Variants in AKAP19 observed in about 807,000 individuals in gnomAD.
The protein encoded by AKAP19 is A-kinase anchoring protein 19, also known as small A-kinase anchoring protein.
At chr2:190,058,499 T>C in the AKAP19 span, among the ~76,000 whole-genome samples, 2 of 151,948 alleles carry the variant, frequency 1.3e-5, no homozygotes, top group African/African-American at 2.4e-5. Flanking sequence ...AAGTAGCATA[T>C]ATAAAGGAAA....
chr2:189,900,400 G>T, the AKAP19 span, among the ~76,000 whole-genome samples: 4 of 151,958 alleles, frequency 2.6e-5, no homozygotes, highest in East Asian at 7.7e-4. Context: ...CCCCCAAAAT[G>T]ATAGTTCTTA....
the AKAP19 span, among the ~76,000 whole-genome samples, chr2:190,008,530 A>G: frequency 1.3e-5 from 2 of 152,202 alleles, no homozygotes; most frequent in Non-Finnish European, 2.9e-5. Flanking sequence ...AGTAATTATT[A>G]TAATGATAGC....
chr2:190,170,058 G>A, the AKAP19 span, among the ~76,000 whole-genome samples: 2 of 152,218 alleles, frequency 1.3e-5, no homozygotes, highest in African/African-American at 4.8e-5. Context: ...TTTAACAATG[G>A]AAACTTATGT....
the AKAP19 span, among the ~76,000 whole-genome samples, chr2:189,915,048 TTAAATCG>T: frequency 4.6e-5 from 7 of 152,296 alleles, no homozygotes; most frequent in South Asian, 1.5e-3. Flanking sequence ...AATGTGATTA[TTAAATCG>T]TTTAGGCAAC....
the AKAP19 span, among the ~76,000 whole-genome samples, chr2:190,099,205 C>G: frequency 2.6e-5 from 4 of 152,236 alleles, no homozygotes; most frequent in Non-Finnish European, 5.9e-5. Flanking sequence ...ACCTTTCAGC[C>G]TGCCTTGGCT....
the AKAP19 span, among the ~76,000 whole-genome samples, chr2:189,960,201 T>A: frequency 6.6e-6 from 1 of 152,232 alleles, no homozygotes; most frequent in Admixed American, 6.5e-5. Flanking sequence ...GAGACCCAGA[T>A]GCCTAAATCT....
chr2:190,049,233 A>C, the AKAP19 span, among the ~76,000 whole-genome samples: 1 of 152,158 alleles, frequency 6.6e-6, no homozygotes, highest in African/African-American at 2.4e-5. Context: ...TAGAAAAAAA[A>C]ATGAGTGAAG....
chr2:189,959,308 T>C, the AKAP19 span, among the ~76,000 whole-genome samples: 1 of 152,164 alleles, frequency 6.6e-6, no homozygotes. Flanking sequence ...TTCCTAGAAA[T>C]AATGCTGTAA....
At chr2:190,108,881 T>G in the AKAP19 span, among the ~76,000 whole-genome samples, 2 of 151,896 alleles carry the variant, frequency 1.3e-5, no homozygotes, top group Non-Finnish European at 2.9e-5. Flanking sequence ...TAAAAAACCT[T>G]AAACAGAAGA....
At chr2:190,028,917 T>A in the AKAP19 span, among the ~76,000 whole-genome samples, 1 of 152,178 alleles carries the variant, frequency 6.6e-6, no homozygotes, top group Non-Finnish European at 1.5e-5. Context: ...ATTACTTCAG[T>A]TCATTCTGGA....
the AKAP19 span, among the ~76,000 whole-genome samples, chr2:189,991,363 T>G: frequency 1.3e-5 from 2 of 152,228 alleles, no homozygotes; most frequent in African/African-American, 4.8e-5. Context: ...CATCTATTAT[T>G]TTTTGATTTT....
the AKAP19 span, among the ~76,000 whole-genome samples, chr2:190,075,358 C>A: frequency 6.6e-6 from 1 of 152,002 alleles, no homozygotes; most frequent in Non-Finnish European, 1.5e-5. Flanking sequence ...AATTTGTGTT[C>A]AGTTGTTATT....
the AKAP19 span, among the ~76,000 whole-genome samples, chr2:190,017,992 G>T: frequency 6.6e-6 from 1 of 152,250 alleles, no homozygotes. Flanking sequence ...GGTCTGTAAG[G>T]TTTCTGCTGA....
the AKAP19 span, among the ~76,000 whole-genome samples, chr2:189,949,273 G>A: frequency 6.6e-6 from 1 of 152,148 alleles, no homozygotes. Context: ...GAGAAAAAAA[G>A]CCGGGCGCGA....
At chr2:189,993,693 T>C in the AKAP19 span, among the ~76,000 whole-genome samples, 2 of 152,158 alleles carry the variant, frequency 1.3e-5, no homozygotes, top group Non-Finnish European at 2.9e-5. Flanking sequence ...CATTACTTGT[T>C]ATTTGTCTGT....
At chr2:190,161,749 T>G in the AKAP19 span, among the ~76,000 whole-genome samples, 1 of 152,158 alleles carries the variant, frequency 6.6e-6, no homozygotes, top group Admixed American at 6.5e-5. Flanking sequence ...TAAATAGGAA[T>G]GTGTTCTGGA....
chr2:189,921,186 C>T, the AKAP19 span, among the ~76,000 whole-genome samples: 2 of 152,100 alleles, frequency 1.3e-5, no homozygotes, highest in Admixed American at 6.6e-5. Flanking sequence ...CCACACCATA[C>T]TTTCTGTTGG....
chr2:190,150,018 C>A, the AKAP19 span, among the ~76,000 whole-genome samples: 1 of 152,086 alleles, frequency 6.6e-6, no homozygotes, highest in Non-Finnish European at 1.5e-5. Flanking sequence ...CAGTCACAGG[C>A]CTCACCCAGC....
the AKAP19 span, among the ~76,000 whole-genome samples, chr2:190,019,048 A>C: frequency 6.6e-6 from 1 of 152,198 alleles, no homozygotes; most frequent in African/African-American, 2.4e-5. Flanking sequence ...GCAGTAAAAT[A>C]GGGTTGCAGG....
Sources: allele counts gnomAD v4.1 joint callset (sites outside exome capture counted in the v4.1 genomes callset), GRCh38; gene constraint gnomAD v4.1.1; transcripts MANE v1.5; gene names NCBI Gene and HGNC (gene_info 2026-07-23, HGNC 2026-07-21).